The following RUNDC3B variants were observed in gnomAD, a reference collection of about 807,000 sequenced individuals.
The protein encoded by RUNDC3B is RUN domain-containing protein 3B.
RUNDC3B carries 33 observed loss-of-function variants against 58.4 expected under a neutral mutation model. The ratio of observed to expected loss-of-function variants is 0.56; its 90% confidence interval spans 0.43 to 0.75. RUNDC3B has a LOEUF of 0.75. Among genes scored for constraint, RUNDC3B ranks in the 30% least tolerant of loss-of-function variants. The pLI is 0.00. For missense variants in RUNDC3B, 501 were observed against 535.7 expected (o/e 0.94, Z 0.64); for synonymous variants, 193 against 195.2 (o/e 0.99, Z 0.10).
intron 10 of RUNDC3B, among the ~76,000 whole-genome samples, chr7:87,822,284 A>G (rs1002918988): frequency 1.3e-5 from 2 of 152,252 alleles, no homozygotes; most frequent in African/African-American, 4.8e-5. Context: ...AACACATGAA[A>G]AAATGCTCAT....
chr7:87,642,906 T>C (rs559926874), intron 1 of RUNDC3B, among the ~76,000 whole-genome samples: 19 of 152,178 alleles, frequency 1.2e-4, no homozygotes, highest in Non-Finnish European at 2.4e-4. Context: ...TCTGTCTCTT[T>C]ATTTAATTTT....
intron 3 of RUNDC3B, among the ~76,000 whole-genome samples, chr7:87,704,023 C>T (rs550731985): frequency 7.1e-6 from 1 of 139,974 alleles, no homozygotes; most frequent in Non-Finnish European, 1.5e-5. Context: ...CAGGCTCAAG[C>T]AATTCTCCTG....
chr7:87,795,136 T>A (rs1835745150), intron 8 of RUNDC3B, among the ~76,000 whole-genome samples: 1 of 152,116 alleles, frequency 6.6e-6, no homozygotes, highest in Non-Finnish European at 1.5e-5. Flanking sequence ...TGAGATCACA[T>A]CAAGTTAAAA....
intron 1 of RUNDC3B, among the ~76,000 whole-genome samples, chr7:87,630,581 G>A (rs1821114443): frequency 6.6e-6 from 1 of 151,704 alleles, no homozygotes; most frequent in South Asian, 2.1e-4. Flanking sequence ...AATAAGGGTA[G>A]TTTCAACATA....
intron 3 of RUNDC3B, among the ~76,000 whole-genome samples, chr7:87,705,254 G>A (rs1181921357): frequency 6.6e-6 from 1 of 152,082 alleles, no homozygotes; most frequent in African/African-American, 2.4e-5. Context: ...GCAAAACCCT[G>A]TCTCTACTTA....
At chr7:87,827,443 C>T (rs141948691) in intron 10 of RUNDC3B, among the ~76,000 whole-genome samples, 2,717 of 152,162 alleles carry the variant, frequency 0.018, 35 homozygotes, top group Non-Finnish European at 0.03. Context: ...GCTGAGACTG[C>T]GCCACTGCAC....
intron 2 of RUNDC3B, among the ~76,000 whole-genome samples, chr7:87,661,244 A>C (rs1824681035): frequency 6.6e-6 from 1 of 151,842 alleles, no homozygotes; most frequent in African/African-American, 2.4e-5. Flanking sequence ...TCAAGCATTC[A>C]TTTTTTTGCA....
intron 6 of RUNDC3B, among the ~76,000 whole-genome samples, chr7:87,742,985 G>A (rs910100921): frequency 5.3e-5 from 8 of 152,120 alleles, no homozygotes; most frequent in Admixed American, 3.9e-4. Flanking sequence ...GTGGTGGCAC[G>A]CGCCTGTAGT....
chr7:87,688,878 G>T (rs1470208110), intron 2 of RUNDC3B, among the ~76,000 whole-genome samples: 1 of 151,860 alleles, frequency 6.6e-6, no homozygotes, highest in African/African-American at 2.4e-5. Flanking sequence ...TATTTATAAT[G>T]AAATATAGAC....
rs28381722 is a variant in RUNDC3B at position 87,711,849 on chromosome 7, G to A, written c.458+1194G>A. Reference sequence around the variant, plus strand: ...CTGCCTGAGATATTTCTAAACTACCGTTCTTTTTTCTACCTCATTAATCAT... The same window carrying A: ...CTGCCTGAGATATTTCTAAACTACCATTCTTTTTTCTACCTCATTAATCAT... On this transcript the variant is annotated intron_variant, in intron 4 of 10. Transcript: ENST00000394654. Among the ~76,000 whole-genome samples the A allele has an allele frequency of 2.0e-3, 305 of 152,098 alleles. 2 individuals are homozygous for A. The highest frequency in any genetic ancestry group is 6.9e-3 in the African/African-American group (286 of 41,502).
chr7:87,674,985 G>C (rs1292023555), intron 2 of RUNDC3B, among the ~76,000 whole-genome samples: 2 of 152,200 alleles, frequency 1.3e-5, no homozygotes, highest in African/African-American at 4.8e-5. Flanking sequence ...GCACAGGCTG[G>C]AGCCCTGTAC....
At chr7:87,660,861 G>A (rs1824632162) in intron 2 of RUNDC3B, among the ~76,000 whole-genome samples, 1 of 151,794 alleles carries the variant, frequency 6.6e-6, no homozygotes, top group Non-Finnish European at 1.5e-5. Flanking sequence ...CTGAAAATAG[G>A]AGATTTTACC....
At chr7:87,722,955 C>T (rs978465081) in intron 4 of RUNDC3B, among the ~76,000 whole-genome samples, 1 of 152,146 alleles carries the variant, frequency 6.6e-6, no homozygotes, top group South Asian at 2.1e-4. Flanking sequence ...TCTTACACTG[C>T]AAGCTTTTCT....
intron 4 of RUNDC3B, among the ~76,000 whole-genome samples, chr7:87,719,682 T>TTTAGTTTA (rs1830752686): frequency 6.6e-6 from 1 of 151,692 alleles, no homozygotes; most frequent in Non-Finnish European, 1.5e-5. Context: ...AAAAATAAAC[T>TTTAGTTTA]TTAGTTTATG....
chr7:87,665,895 G>A (rs2130482974), intron 2 of RUNDC3B, among the ~76,000 whole-genome samples: 1 of 152,112 alleles, frequency 6.6e-6, no homozygotes, highest in East Asian at 1.9e-4. Flanking sequence ...TAGCTGTATA[G>A]TACTCCATGG....
chr7:87,741,453 A>G, intron 5 of RUNDC3B, 46 bp from the exon 6 acceptor site: 1 of 1,075,128 alleles, frequency 9.3e-7, no homozygotes, highest in South Asian at 1.8e-5. Context: ...ACTTTGATTT[A>G]AAATTTTATA....
chr7:87,779,145 T>A (rs80071354), intron 8 of RUNDC3B, among the ~76,000 whole-genome samples: 1 of 152,146 alleles, frequency 6.6e-6, no homozygotes, highest in Middle Eastern at 3.2e-3. Flanking sequence ...CAGTTGTCAA[T>A]TAAAGATATT....
intron 2 of RUNDC3B, among the ~76,000 whole-genome samples, chr7:87,692,454 C>T (rs1828104955): frequency 6.6e-6 from 1 of 152,150 alleles, no homozygotes; most frequent in South Asian, 2.1e-4. Flanking sequence ...GAGAACCTGT[C>T]TCTTAAACAA....
At chr7:87,782,418 G>T (rs574926276) in intron 8 of RUNDC3B, among the ~76,000 whole-genome samples, 5 of 152,010 alleles carry the variant, frequency 3.3e-5, no homozygotes, top group African/African-American at 1.2e-4. Context: ...TCAAAGAAAT[G>T]ATGTTTGGTT....
Sources: allele counts gnomAD v4.1 joint callset (sites outside exome capture counted in the v4.1 genomes callset), GRCh38; gene constraint gnomAD v4.1.1; transcripts MANE v1.5; gene names NCBI Gene and HGNC (gene_info 2026-07-23, HGNC 2026-07-21).